The following HS1BP3 variants were observed in gnomAD, a reference collection of about 807,000 sequenced individuals.
HS1BP3 encodes the protein HCLS1-binding protein 3.
A neutral mutation model predicts 33.5 loss-of-function variants in HS1BP3; 32 were observed. The observed-to-expected ratio is 0.95, with a 90% confidence interval of 0.72 to 1.28. HS1BP3 has a LOEUF of 1.28. HS1BP3 is among the 50% of genes most tolerant of loss of function. The pLI, the probability that HS1BP3 is intolerant of heterozygous loss-of-function variation, is 0.00. For synonymous variants in HS1BP3, 187 were observed against 209.2 expected (o/e 0.89, Z 0.92); for missense variants, 486 against 502.3 (o/e 0.97, Z 0.31).
At chr2:20,555,008 T>C in the HS1BP3 span, among the ~76,000 whole-genome samples, 1 of 152,160 alleles carries the variant, frequency 6.6e-6, no homozygotes, top group Non-Finnish European at 1.5e-5. Context: ...GACTTTCCTG[T>C]GCATTCACAC....
intron 6 of HS1BP3, among the ~76,000 whole-genome samples, chr2:20,620,913 C>T (rs1694578721): frequency 6.6e-6 from 1 of 152,224 alleles, no homozygotes. Context: ...TTGCAAAGGC[C>T]TGGAAAGAAG....
intron 2 of HS1BP3, among the ~76,000 whole-genome samples, chr2:20,603,170 G>A (rs1393913670): frequency 6.6e-6 from 1 of 152,186 alleles, no homozygotes; most frequent in African/African-American, 2.4e-5. Flanking sequence ...CAGTCTGGAA[G>A]TTCCTCAAAA....
chr2:20,622,581 T>C (rs1694640709), intron 6 of HS1BP3: 2 of 326,222 alleles, frequency 6.1e-6, no homozygotes, highest in Admixed American at 3.9e-5. Context: ...AAGATAGCCT[T>C]TGACCACCCC....
At chr2:20,576,282 ATG>A (rs1693398190) in intron 5 of HS1BP3, among the ~76,000 whole-genome samples, 1 of 152,090 alleles carries the variant, frequency 6.6e-6, no homozygotes, top group Non-Finnish European at 1.5e-5. Context: ...GCACCCGGCT[ATG>A]TGAGGTTTCT....
chr2:20,583,207 G>T (rs955686221), intron 5 of HS1BP3, among the ~76,000 whole-genome samples: 2 of 152,236 alleles, frequency 1.3e-5, no homozygotes, highest in African/African-American at 2.4e-5. Flanking sequence ...CTGGGCACAG[G>T]TTGTCCCATT....
intron 6 of HS1BP3, 158 bp downstream of exon 6, chr2:20,623,738 C>T: frequency 1.3e-6 from 1 of 786,228 alleles, no homozygotes. Context: ...CCCTTCACCG[C>T]CTCTCACCCA....
intron 5 of HS1BP3, among the ~76,000 whole-genome samples, chr2:20,584,736 AG>A (rs774219083): frequency 2.0e-5 from 3 of 152,218 alleles, no homozygotes; most frequent in Non-Finnish European, 4.4e-5. Context: ...GGTCCTGCTC[AG>A]GCTCAGGAAT....
intron 5 of HS1BP3, among the ~76,000 whole-genome samples, chr2:20,574,103 T>G (rs1029853350): frequency 6.6e-6 from 1 of 152,212 alleles, no homozygotes; most frequent in Non-Finnish European, 1.5e-5. Context: ...ACAATTGCAC[T>G]GATTAATTGT....
chr2:20,619,145 G>A lies in HS1BP3; in HGVS notation c.1021C>T (p.Pro341Ser), dbSNP rs921106545. ...TTGGGGGGAACAGCTGGTTTTCTGG[G>A]TATCACCGGCTTAGCTGCCACTGGT... Reference protein sequence around the residue: ...KPPVAAKPVIPRKPAVPPKAG... With the variant: ...KPPVAAKPVISRKPAVPPKAG... Residue 341 changes from proline (P) to serine (S), a missense_variant, in exon 7 of 7, where the codon CCC becomes TCC. By Grantham distance (74) the Pro-to-Ser change is moderately conservative (BLOSUM62 -1). Transcript: ENST00000304031. 6.2e-7 allele frequency: 1 copy of A among 1,614,172 alleles called. No homozygotes were observed. Among genetic ancestry groups the A allele is most frequent in the Non-Finnish European group, 8.5e-7 (1 of 1,180,022 alleles).
At chr2:20,622,223 A>G (rs1694627483) in intron 6 of HS1BP3, 1 of 1,298,838 alleles carries the variant, frequency 7.7e-7, no homozygotes, top group East Asian at 5.6e-5. Flanking sequence ...AGGAAGTCCA[A>G]CTACTCCCTG....
chr2:20,638,771 T>C (rs887017744), intron 3 of HS1BP3, 119 bp from the exon 4 acceptor site: 5 of 763,706 alleles, frequency 6.5e-6, no homozygotes, highest in Non-Finnish European at 1.1e-5. Flanking sequence ...TGCAGCCTCC[T>C]GGGACCAAAC....
downstream of HS1BP3, among the ~76,000 whole-genome samples, chr2:20,615,995 C>T (rs1300652378): frequency 6.6e-6 from 1 of 152,204 alleles, no homozygotes; most frequent in Non-Finnish European, 1.5e-5. Flanking sequence ...CCAGAACTGG[C>T]CTGAGTTCCC....
intron 5 of HS1BP3, among the ~76,000 whole-genome samples, chr2:20,567,996 C>T (rs1229304559): frequency 6.6e-6 from 1 of 152,202 alleles, no homozygotes; most frequent in Non-Finnish European, 1.5e-5. Context: ...CAGCCCCCTC[C>T]TCACCTGCTC....
chr2:20,579,486 T>C (rs1034586070), intron 5 of HS1BP3, among the ~76,000 whole-genome samples: 1 of 152,226 alleles, frequency 6.6e-6, no homozygotes, highest in African/African-American at 2.4e-5. Context: ...GACTCATCAG[T>C]TGGCCATGCA....
intron 4 of HS1BP3, among the ~76,000 whole-genome samples, chr2:20,629,268 GCTATCA>G (rs1379484901): frequency 6.6e-6 from 1 of 152,124 alleles, no homozygotes; most frequent in Non-Finnish European, 1.5e-5. Context: ...GCACACATGG[GCTATCA>G]CTCGGGGGCC....
chr2:20,638,540 T>A lies in HS1BP3; in HGVS notation c.519A>T (p.Gln173His), dbSNP rs764684918. The change falls in exon 4 of 7, where the codon CAA becomes CAT. Residue 173 changes from glutamine to histidine, a missense_variant. By Grantham distance (24) the Gln-to-His change is conservative. Transcript: ENST00000304031. ...DEEAFDFFEE[Q>H]DQVAEEGPPV... ...GCGGACCCTCTTCTGCCACTTGGTCTTGCTCCTCAAAAAAGTCGAAAGCCT... is the reference window on the plus strand; with the variant it reads ...GCGGACCCTCTTCTGCCACTTGGTCATGCTCCTCAAAAAAGTCGAAAGCCT... 2 of 1,614,254 alleles carry A rather than the reference T, an allele frequency of 1.2e-6. No homozygotes were observed. Among genetic ancestry groups the A allele is most frequent in the South Asian group, 2.2e-5 (2 of 91,088 alleles).
At chr2:20,588,979 G>A (rs936585632), downstream of HS1BP3, among the ~76,000 whole-genome samples, 16 of 152,192 alleles carry the variant, frequency 1.1e-4, no homozygotes, top group African/African-American at 3.9e-4. Context: ...GGGACCAGAT[G>A]CTGACCACTG....
chr2:20,622,450 C>A, intron 6 of HS1BP3: 1 of 571,674 alleles, frequency 1.7e-6, no homozygotes, highest in South Asian at 1.6e-5. Context: ...CTAAGGGGCA[C>A]CACAGAGTGG....
At position 20,611,902 on chromosome 2, in the gene HS1BP3, C is replaced by A. The variant is rs980158603; in HGVS notation, c.178+11994G>T. Among the ~76,000 whole-genome samples, 1 of 152,202 alleles carries A rather than the reference C, an allele frequency of 6.6e-6. No individual in the cohort carries two copies. Among genetic ancestry groups the A allele is most frequent in the South Asian group, 2.1e-4 (1 of 4,830 alleles). ...ACCTACAACCACCCTCCATGGAGAG[C>A]AAGCCATCAGCACCCCTTTCCACGA... On this transcript the variant is annotated intron_variant, in intron 2 of 3. Coordinates refer to the HS1BP3 transcript ENST00000415264. This position sits in a 1 kb window ranked among gnomAD's most constrained non-coding sequence, Gnocchi z 4.9.
Sources: allele counts gnomAD v4.1 joint callset (sites outside exome capture counted in the v4.1 genomes callset), GRCh38; gene constraint gnomAD v4.1.1; non-coding constraint Gnocchi (gnomAD v3.1); transcripts MANE v1.5; gene names NCBI Gene and HGNC (gene_info 2026-07-23, HGNC 2026-07-21).